The following TRIM24 variants were observed in gnomAD, a reference collection of about 807,000 sequenced individuals.
TRIM24 encodes transcription intermediary factor 1-alpha.
A neutral mutation model predicts 123.9 loss-of-function variants in TRIM24; 29 were observed. That is an observed-to-expected ratio of 0.23 (90% confidence interval 0.17 to 0.32). The LOEUF (loss-of-function observed/expected upper bound fraction) is 0.32. Ranked by LOEUF, TRIM24 falls within the 10% of genes least tolerant of loss-of-function variation. The pLI, the probability that TRIM24 is intolerant of heterozygous loss-of-function variation, is 1.00. For missense variants in TRIM24, 932 were observed against 1,295.3 expected (o/e 0.72, Z 4.31); for synonymous variants, 456 against 461.1 (o/e 0.99, Z 0.14).
At chr7:138,523,562 T>A (rs1796546301) in intron 4 of TRIM24, among the ~76,000 whole-genome samples, 1 of 152,140 alleles carries the variant, frequency 6.6e-6, no homozygotes, top group African/African-American at 2.4e-5. Context: ...GAGACCATCC[T>A]GGCTAACATG....
intron 2 of TRIM24, among the ~76,000 whole-genome samples, chr7:138,508,692 T>TGTGTGTGTGTGCGCGCGCGCGC (rs1422176564): frequency 3.6e-5 from 5 of 137,272 alleles, no homozygotes; most frequent in South Asian, 2.4e-4. Flanking sequence ...TGTGTGTGTG[T>TGTGTGTGTGTGCGCGCGCGCGC]GCGCGCGCGT....
intron 7 of TRIM24, among the ~76,000 whole-genome samples, chr7:138,542,639 G>A (rs1356944729): frequency 2.6e-5 from 4 of 152,108 alleles, no homozygotes; most frequent in East Asian, 1.9e-4. Flanking sequence ...CTTACGAAGC[G>A]CAGTAAAGCA....
intron 1 of TRIM24, among the ~76,000 whole-genome samples, chr7:138,486,970 G>C (rs1269781259): frequency 6.6e-6 from 1 of 152,164 alleles, no homozygotes; most frequent in African/African-American, 2.4e-5. Context: ...CTATCCATGA[G>C]CCTGGAATGT....
intron 13 of TRIM24, among the ~76,000 whole-genome samples, chr7:138,577,163 T>G (rs776724247): frequency 2.0e-5 from 3 of 152,230 alleles, no homozygotes; most frequent in Admixed American, 1.3e-4. Context: ...TTGTAAAGCC[T>G]CAGGTTTTTA....
intron 1 of TRIM24, among the ~76,000 whole-genome samples, chr7:138,471,017 T>C (rs1282923088): frequency 1.3e-5 from 2 of 152,218 alleles, no homozygotes; most frequent in African/African-American, 2.4e-5. Flanking sequence ...TAGGCTCTTA[T>C]CAGTTTTATT....
intron 9 of TRIM24, among the ~76,000 whole-genome samples, chr7:138,559,226 C>T (rs527970320): frequency 4.8e-4 from 73 of 152,218 alleles, no homozygotes; most frequent in African/African-American, 1.6e-3. Context: ...CCTGCGCACT[C>T]ATAATAAATA....
chr7:138,573,245 G>A (rs1797692262), intron 11 of TRIM24, among the ~76,000 whole-genome samples: 1 of 152,166 alleles, frequency 6.6e-6, no homozygotes, highest in African/African-American at 2.4e-5. Flanking sequence ...ATTTTTAAGA[G>A]TGTGAATGAC....
chr7:138,555,114 C>A, intron 9 of TRIM24, 148 bp downstream of exon 9: 1 of 809,740 alleles, frequency 1.2e-6, no homozygotes, highest in Non-Finnish European at 1.9e-6. Context: ...GATTTAATGC[C>A]TAGTTTTTAA....
chr7:138,464,893 TAC>T (rs1795101323), intron 1 of TRIM24, among the ~76,000 whole-genome samples: 1 of 152,200 alleles, frequency 6.6e-6, no homozygotes, highest in South Asian at 2.1e-4. Flanking sequence ...TAGGGTATAA[TAC>T]AGTTACACTC....
At chr7:138,538,549 A>G in intron 6 of TRIM24, 108 bp from the exon 7 acceptor site, 1 of 1,218,886 alleles carries the variant, frequency 8.2e-7, no homozygotes, top group South Asian at 1.5e-5. Context: ...GTTTCAGTAA[A>G]TTGAGTAATT....
intron 1 of TRIM24, among the ~76,000 whole-genome samples, chr7:138,462,338 CTTTTTTTT>C (rs34920255): frequency 8.0e-6 from 1 of 124,414 alleles, no homozygotes; most frequent in Admixed American, 8.2e-5. Context: ...GTGCAAAAAT[CTTTTTTTT>C]TTTTTTTTTT....
chr7:138,514,303 A>G (rs1030271190), intron 2 of TRIM24: 3 of 152,228 alleles, frequency 2.0e-5, no homozygotes, highest in Non-Finnish European at 4.4e-5. Context: ...TCCTTTTCTA[A>G]TTTGTTCTCT....
At chr7:138,502,002 G>A (rs953999048) in intron 1 of TRIM24, among the ~76,000 whole-genome samples, 4 of 152,124 alleles carry the variant, frequency 2.6e-5, no homozygotes, top group Admixed American at 6.5e-5. Context: ...AGGTACATCT[G>A]GGGCTTGGGA....
chr7:138,463,188 C>T (rs1222118940), intron 1 of TRIM24, among the ~76,000 whole-genome samples: 1 of 151,380 alleles, frequency 6.6e-6, no homozygotes, highest in Non-Finnish European at 1.5e-5. Context: ...CCGCACCTGG[C>T]CTGTTCTTAT....
intron 1 of TRIM24, among the ~76,000 whole-genome samples, chr7:138,475,046 G>A (rs993053290): frequency 4.6e-5 from 7 of 152,226 alleles, no homozygotes; most frequent in African/African-American, 7.2e-5. Context: ...TCCTGAGGAA[G>A]CTGTTAGAGA....
intron 2 of TRIM24, among the ~76,000 whole-genome samples, chr7:138,508,318 G>A (rs1036579951): frequency 6.6e-6 from 1 of 152,096 alleles, no homozygotes; most frequent in Admixed American, 6.5e-5. Context: ...TGTGGGAGAA[G>A]GGTAAGAATA....
Position 138,554,568 on chromosome 7 carries a change from G to A in TRIM24, c.1262-130G>A. On this transcript the variant is annotated intron_variant, in intron 8 of 18. Coordinates refer to ENST00000343526, the MANE Select transcript of TRIM24 (RefSeq NM_015905.3). The surrounding 1 kb of genome is among the most constrained non-coding windows in gnomAD (Gnocchi z 4.5). ...AGCTGTTTGGGGGTTCTCTTTCAGA[G>A]TGTTAAAGGGCTCATGAGATCAGAG... 1.1e-6 allele frequency: 1 copy of A among 874,366 alleles called. No individual in the cohort carries two copies. Among genetic ancestry groups the A allele is most frequent in the Non-Finnish European group, 1.7e-6 (1 of 572,936 alleles). 54.2% of individuals were successfully genotyped at this position (874,366 alleles called of 1,614,324 possible).
Position 138,573,601 on chromosome 7 carries a change from T to G in TRIM24, c.1973T>G (p.Val658Gly). ...CCAAGACCACCCTCAAACAGAACGG[T>G]CCAGTCACCAAATTCATCAGTGCCA... Reference protein sequence around the residue: ...GQPRPPSNRTVQSPNSSVPSP... With the variant: ...GQPRPPSNRTGQSPNSSVPSP... The change falls in exon 12 of 19, where the codon GTC becomes GGC. Residue 658 changes from valine (V) to glycine (G), a missense_variant. Around this residue, in one of 7 missense-constraint regions of TRIM24, gnomAD observed 527 missense variants for 691.3 expected, o/e 0.76. Coordinates refer to ENST00000343526, the MANE Select transcript of TRIM24 (RefSeq NM_015905.3). 6.2e-7 allele frequency: 1 copy of G among 1,613,920 alleles called. No homozygotes were observed. Among genetic ancestry groups the G allele is most frequent in the South Asian group, 1.1e-5 (1 of 91,022 alleles).
At chr7:138,504,168 C>A (rs1357375573) in intron 1 of TRIM24, 122 bp from the exon 2 acceptor site, 2 of 512,426 alleles carry the variant, frequency 3.9e-6, no homozygotes, top group Non-Finnish European at 6.8e-6. Flanking sequence ...TTTTAAGTGA[C>A]AGCAGGTATG....
Sources: gnomAD v4.1 joint callset for allele counts (sites outside exome capture counted in the v4.1 genomes callset) on GRCh38, gnomAD v4.1.1 for gene constraint, gnomAD v4.1.1 regional missense constraint, Gnocchi (gnomAD v3.1) non-coding constraint, MANE v1.5 for transcripts, NCBI Gene and HGNC (gene_info 2026-07-23, HGNC 2026-07-21) for gene names.